The following CYP2C18 variants were observed in gnomAD, a reference collection of about 807,000 sequenced individuals.
CYP2C18 encodes the protein cytochrome P450 2C18.
A neutral mutation model predicts 41.3 loss-of-function variants in CYP2C18; 38 were observed. The ratio of observed to expected loss-of-function variants is 0.92; its 90% confidence interval spans 0.71 to 1.21. CYP2C18 has a LOEUF of 1.21. CYP2C18 is among the 50% of genes most tolerant of loss of function. The probability of loss-of-function intolerance (pLI) is 0.00; values close to 1 mark genes in which losing one functional copy is unlikely to be tolerated. For missense variants in CYP2C18, 635 were observed against 591.4 expected, an observed-to-expected ratio of 1.07 and a Z score of -0.77; for synonymous variants, 236 against 210.0, an observed-to-expected ratio of 1.12 and a Z score of -1.07.
intron 4 of CYP2C18, among the ~76,000 whole-genome samples, chr10:94,696,071 AC>A (rs1847111783): frequency 6.6e-6 from 1 of 152,180 alleles, no homozygotes; most frequent in Non-Finnish European, 1.5e-5. Flanking sequence ...GCATAGCCAA[AC>A]AAAAGGCAGC....
At position 94,709,005 on chromosome 10, in the gene CYP2C18, T is replaced by A. The variant is rs1178692568; in HGVS notation, c.819+2045T>A. On this transcript the variant is annotated intron_variant, in intron 5 of 8. Coordinates refer to ENST00000285979, the MANE Select transcript of CYP2C18 (RefSeq NM_000772.3). Reference sequence around the variant, plus strand: ...TGGTTTTGATTGTTTCTGTTTTGGCTGTTATGAATAATGCTGGTATGGACA... The same window carrying A: ...TGGTTTTGATTGTTTCTGTTTTGGCAGTTATGAATAATGCTGGTATGGACA... 4.6e-5 allele frequency among the ~76,000 whole-genome samples: 7 copies of A among 152,184 alleles called. No individual in the cohort carries two copies. The East Asian group carries it at 1.3e-3, about 29-fold the overall frequency.
chr10:94,710,648 G>T (rs1847419198), intron 5 of CYP2C18, among the ~76,000 whole-genome samples: 1 of 152,148 alleles, frequency 6.6e-6, no homozygotes, highest in Non-Finnish European at 1.5e-5. Flanking sequence ...GGAAATATTA[G>T]TATTGGTTTA....
At chr10:94,716,601 C>T (rs533384773) in intron 5 of CYP2C18, among the ~76,000 whole-genome samples, 1 of 152,052 alleles carries the variant, frequency 6.6e-6, no homozygotes, top group African/African-American at 2.4e-5. Flanking sequence ...TTAATTCCAA[C>T]TATGTGGTCA....
intron 7 of CYP2C18, among the ~76,000 whole-genome samples, chr10:94,726,818 C>A (rs924226614): frequency 2.0e-5 from 3 of 152,082 alleles, no homozygotes; most frequent in Non-Finnish European, 4.4e-5. Context: ...ATTCTGCAAG[C>A]TGCTCCATTC....
intron 7 of CYP2C18, among the ~76,000 whole-genome samples, chr10:94,727,601 C>A (rs1393343531): frequency 2.0e-5 from 3 of 149,240 alleles, no homozygotes; most frequent in African/African-American, 7.5e-5. Flanking sequence ...GGTGACAGAG[C>A]AAGGCCCTGT....
At chr10:94,732,767 A>G (rs1564650321) in intron 7 of CYP2C18, among the ~76,000 whole-genome samples, 1 of 152,126 alleles carries the variant, frequency 6.6e-6, no homozygotes, top group Non-Finnish European at 1.5e-5. Context: ...ACTCATGGAC[A>G]TAAAGATGGC....
chr10:94,683,929 C>G lies in CYP2C18; in HGVS notation c.110C>G (p.Pro37Arg). ...CTCCCGTCTGGCCCCACTCCTCTCCCGATTATTGGAAATATCCTGCAGTTA... is the reference window on the plus strand; with the variant it reads ...CTCCCGTCTGGCCCCACTCCTCTCCGGATTATTGGAAATATCCTGCAGTTA... ...GRLPSGPTPL[P>R]IIGNILQLDV... Residue 37 changes from proline (P) to arginine (R), a missense_variant, in exon 1 of 9, where the codon CCG becomes CGG. Coordinates refer to ENST00000285979, the MANE Select transcript of CYP2C18 (RefSeq NM_000772.3). 2 of 1,610,270 alleles carry G rather than the reference C, an allele frequency of 1.2e-6. No homozygotes were observed. Among genetic ancestry groups the G allele is most frequent in the South Asian group, 1.1e-5 (1 of 89,962 alleles).
intron 5 of CYP2C18, among the ~76,000 whole-genome samples, chr10:94,716,943 G>T (rs1847558630): frequency 6.6e-6 from 1 of 152,038 alleles, no homozygotes; most frequent in Admixed American, 6.6e-5. Flanking sequence ...TAATGGCCTT[G>T]TTTGTGTCTT....
At chr10:94,711,778 G>A (rs909749060) in intron 5 of CYP2C18, among the ~76,000 whole-genome samples, 2 of 151,708 alleles carry the variant, frequency 1.3e-5, no homozygotes, top group Non-Finnish European at 2.9e-5. Context: ...TATTTTTTAG[G>A]GAATAATGAC....
intron 3 of CYP2C18, among the ~76,000 whole-genome samples, 167 bp downstream of exon 3, chr10:94,688,441 G>A (rs1190623825): frequency 6.6e-6 from 1 of 152,124 alleles, no homozygotes; most frequent in East Asian, 1.9e-4. Flanking sequence ...GCATCACTTT[G>A]AGCATTTATC....
intron 3 of CYP2C18, among the ~76,000 whole-genome samples, chr10:94,689,115 T>G (rs1359117951): frequency 6.6e-6 from 1 of 152,210 alleles, no homozygotes; most frequent in Non-Finnish European, 1.5e-5. Context: ...ATTAAAATTA[T>G]CAGCTGGTGT....
Position 94,708,584 on chromosome 10 carries a change from TTTA to T in CYP2C18, c.819+1627_819+1629del, listed in dbSNP as rs544064801. Among the ~76,000 whole-genome samples the T allele has an allele frequency of 1.6e-3, 237 of 152,306 alleles. 1 individual carries two copies. Among genetic ancestry groups the T allele is most frequent in the Non-Finnish European group, 2.7e-3 (187 of 68,016 alleles). ...AGCTTATTTTATTTTTCACAGCATT[TTTA>T]TTGAGTTTAATTCACATATTGTACC... On this transcript the variant is annotated intron_variant, in intron 5 of 8. Transcript: ENST00000285979.
At chr10:94,694,444 C>T (rs983097843) in intron 3 of CYP2C18, among the ~76,000 whole-genome samples, 2 of 152,104 alleles carry the variant, frequency 1.3e-5, no homozygotes, top group Admixed American at 6.6e-5. Context: ...TCTTTAGTCT[C>T]CCCCTCTGCT....
chr10:94,719,277 G>A (rs897678669), intron 5 of CYP2C18, among the ~76,000 whole-genome samples: 2 of 152,098 alleles, frequency 1.3e-5, no homozygotes, highest in African/African-American at 4.8e-5. Flanking sequence ...AACAAATAAT[G>A]TGTTTATTTA....
At position 94,724,397 on chromosome 10, in the gene CYP2C18, G is replaced by A. The variant is rs1189340937; in HGVS notation, c.1013G>A (p.Cys338Tyr). The stretch of plus-strand genomic sequence containing the variant: ...GTAGTTGGCAGAAACCGGAGCCCCT[G>A]TATGCAGGACAGGAGTCACATGCCC... ...ECVVGRNRSP[C>Y]MQDRSHMPYT... The change falls in exon 7 of 9, where the codon TGT (cysteine) becomes TAT (tyrosine). Residue 338 changes from cysteine to tyrosine, a missense_variant. Physicochemically the swap from Cys to Tyr is radical, Grantham distance 194. Transcript: ENST00000285979. 9 of 1,613,440 alleles carry A rather than the reference G, an allele frequency of 5.6e-6. No homozygotes were observed. The highest frequency in any genetic ancestry group is 2.2e-5 in the South Asian group (2 of 91,064).
At chr10:94,718,599 T>A (rs1443062209) in intron 5 of CYP2C18, among the ~76,000 whole-genome samples, 1 of 152,256 alleles carries the variant, frequency 6.6e-6, no homozygotes, top group African/African-American at 2.4e-5. Context: ...GGACTTGTGT[T>A]GAGGCTAGTT....
In CYP2C18 at chr10:94,712,008, A is replaced by ATTTTTTTTTTTTTTTTTTTTT. The variant is rs35672164; in HGVS notation, c.819+5068_819+5069insTTTTTTTTTTTTTTTTTTTTT. Among the ~76,000 whole-genome samples the ATTTTTTTTTTTTTTTTTTTTT allele has an allele frequency of 1.4e-3, 136 of 97,834 alleles. 11 individuals carry two copies. Among genetic ancestry groups the ATTTTTTTTTTTTTTTTTTTTT allele is most frequent in the East Asian group, 6.3e-3 (18 of 2,844 alleles). 64.2% of individuals were successfully genotyped at this position (97,834 alleles called of 152,430 possible). A position where few individuals can be genotyped will look rare whatever the true frequency, so the allele number is the denominator to read the frequency against. On this transcript the variant is annotated intron_variant, in intron 5 of 8. Transcript: ENST00000285979. ...AGGTGCATGCCACCATGCCCAACTA[A>ATTTTTTTTTTTTTTTTTTTTT]TTTTTTTTTTTTTTTTTTTTGTAGA...
At position 94,719,245 on chromosome 10, in the gene CYP2C18, GA is replaced by G. The variant is rs151298366; in HGVS notation, c.820-1143del. Among the ~76,000 whole-genome samples, 611 of 151,664 alleles carry G rather than the reference GA, an allele frequency of 4.0e-3. 3 individuals carry two copies. The highest frequency in any genetic ancestry group is 0.013 in the African/African-American group (529 of 41,384). ...ATTAAGATTGTATATATACAAATAA[GA>G]AAAAAAATTAACATGGCTTAAACAA... is the stretch of plus-strand genomic sequence containing the variant. On this transcript the variant is annotated intron_variant, in intron 5 of 8. Transcript: ENST00000285979.
intron 3 of CYP2C18, among the ~76,000 whole-genome samples, chr10:94,692,468 G>T (rs558277197): frequency 2.6e-3 from 393 of 152,252 alleles, no homozygotes; most frequent in African/African-American, 9.2e-3. Context: ...AAACCACAAT[G>T]AGATATCATC....
Sources: allele counts gnomAD v4.1 joint callset (sites outside exome capture counted in the v4.1 genomes callset), GRCh38; gene constraint gnomAD v4.1.1; transcripts MANE v1.5; gene names NCBI Gene and HGNC (gene_info 2026-07-23, HGNC 2026-07-21).